Variants in EBF3 observed in about 807,000 individuals in gnomAD.
The protein encoded by EBF3 is EBF transcription factor 3, also known as transcription factor COE3.
Under a neutral mutation model 77.1 loss-of-function variants are expected in EBF3, and 18 were observed. The observed-to-expected ratio is 0.23, with a 90% CI of 0.16 to 0.35. The LOEUF (loss-of-function observed/expected upper bound fraction) is 0.35, where lower values mean the gene tolerates loss of function less well. Ranked by LOEUF, EBF3 falls within the 10% of genes least tolerant of loss-of-function variation. The probability of loss-of-function intolerance (pLI) is 1.00; values close to 1 mark genes in which losing one functional copy is unlikely to be tolerated. For missense variants in EBF3, 558 were observed against 860.0 expected, an observed-to-expected ratio of 0.65 and a Z score of 4.39; for synonymous variants, 350 against 343.5, an observed-to-expected ratio of 1.02 and a Z score of -0.21.
At chr10:129,838,282 C>A (rs1175998424) in intron 16 of EBF3, among the ~76,000 whole-genome samples, 1 of 152,274 alleles carries the variant, frequency 6.6e-6, no homozygotes, top group African/African-American at 2.4e-5. Flanking sequence ...CTGACCGGTG[C>A]ACTGCCAACA....
At chr10:129,915,137 G>C (rs1474566176) in intron 6 of EBF3, among the ~76,000 whole-genome samples, 1 of 152,182 alleles carries the variant, frequency 6.6e-6, no homozygotes, top group African/African-American at 2.4e-5. Flanking sequence ...GGCAGAGGGA[G>C]GGATGAGGGA....
chr10:129,950,170 C>G (rs1858565148), intron 6 of EBF3, among the ~76,000 whole-genome samples: 1 of 152,162 alleles, frequency 6.6e-6, no homozygotes, highest in Admixed American at 6.5e-5. Context: ...TTCGCGGGGC[C>G]TGGGCTCCAT....
At chr10:129,847,146 C>G (rs988519977) in intron 11 of EBF3, among the ~76,000 whole-genome samples, 1 of 152,048 alleles carries the variant, frequency 6.6e-6, no homozygotes, top group African/African-American at 2.4e-5. Context: ...GGGAAGGTGA[C>G]CAGGGAACCC....
intron 6 of EBF3, among the ~76,000 whole-genome samples, chr10:129,941,576 G>A (rs1185154016): frequency 6.6e-6 from 1 of 152,114 alleles, no homozygotes; most frequent in African/African-American, 2.4e-5. Context: ...AAGGGTCAGG[G>A]GGGAGCCCTC....
rs1420140220 is a variant in EBF3, at chr10:129,884,608, G to T, written c.555-6759C>A. On this transcript the variant is annotated intron_variant, in intron 6 of 16. Coordinates refer to ENST00000440978, the MANE Select transcript of EBF3 (RefSeq NM_001375380.1). ...TGCATGACGTCATAGCGAAGGGGCA[G>T]AGGGCGGCAAGCTTGAATTTTACAG... Among the ~76,000 whole-genome samples, 54 of 152,204 alleles carry T rather than the reference G, an allele frequency of 3.5e-4. 1 individual carries two copies. Among genetic ancestry groups the T allele is most frequent in the Non-Finnish European group, 2.6e-4 (18 of 68,034 alleles).
At chr10:129,858,298 G>A (rs1589720784) in intron 10 of EBF3, among the ~76,000 whole-genome samples, 1 of 152,182 alleles carries the variant, frequency 6.6e-6, no homozygotes, top group African/African-American at 2.4e-5. Context: ...CCTAGCCTAT[G>A]GCCTGTTTAC....
intron 6 of EBF3, among the ~76,000 whole-genome samples, chr10:129,892,889 T>C (rs1320141243): frequency 1.3e-5 from 2 of 152,204 alleles, no homozygotes; most frequent in African/African-American, 2.4e-5. Flanking sequence ...CCCCCAAATA[T>C]GTATTTTCCC....
chr10:129,868,546 G>A (rs531819403), intron 8 of EBF3, among the ~76,000 whole-genome samples: 3 of 152,328 alleles, frequency 2.0e-5, no homozygotes, highest in South Asian at 2.1e-4. Flanking sequence ...GGGAGCTCTC[G>A]CATTTGCATG....
intron 7 of EBF3, among the ~76,000 whole-genome samples, chr10:129,875,353 A>T (rs886800636): frequency 3.9e-5 from 6 of 151,924 alleles, no homozygotes; most frequent in African/African-American, 1.4e-4. Context: ...CTGCCACTGC[A>T]CCTGGCTAAT....
chr10:129,963,119 G>T lies in EBF3; in HGVS notation c.292-114C>A. On this transcript the variant is annotated intron_variant, in intron 2 of 16. Coordinates refer to ENST00000440978, the MANE Select transcript of EBF3 (RefSeq NM_001375380.1). The surrounding 1 kb of genome is among the most constrained non-coding windows in gnomAD (Gnocchi z 7.1). ...GGCCTCACACATGGCAGGATTCCTA[G>T]CTCGAAGCAGCGCGGTGATGTCACT... The T allele has an allele frequency of 7.3e-7, 1 of 1,365,120 alleles. No homozygotes were observed. The highest frequency in any genetic ancestry group is 1.0e-6 in the Non-Finnish European group (1 of 959,866). 84.6% of individuals were successfully genotyped at this position (1,365,120 alleles called of 1,614,324 possible). A position where few individuals can be genotyped will look rare whatever the true frequency, so the allele number is the denominator to read the frequency against.
intron 10 of EBF3, among the ~76,000 whole-genome samples, chr10:129,851,270 G>A (rs1356330318): frequency 1.3e-5 from 2 of 152,170 alleles, no homozygotes; most frequent in Admixed American, 6.5e-5. Flanking sequence ...CCTTGGGTGA[G>A]CTCAAGTCGG....
At chr10:129,959,054 T>C in intron 4 of EBF3, 47 bp from the exon 5 acceptor site, 3 of 1,594,826 alleles carry the variant, frequency 1.9e-6, no homozygotes, top group Non-Finnish European at 1.7e-6. Context: ...CGCCCGCGGC[T>C]TTGGCGCCAA....
Position 129,897,477 on chromosome 10 carries a change from C to T in EBF3, c.555-19628G>A, listed in dbSNP as rs2134226886. ...ACCCTCCCCTGCAGACTGGCTCCCCCTAAATCAAGGGGGGCCAGGCAGACC... is the reference window on the plus strand; with the variant it reads ...ACCCTCCCCTGCAGACTGGCTCCCCTTAAATCAAGGGGGGCCAGGCAGACC... On this transcript the variant is annotated intron_variant, in intron 6 of 16. Coordinates refer to ENST00000440978, the MANE Select transcript of EBF3 (RefSeq NM_001375380.1). This position sits in a 1 kb window ranked among gnomAD's most constrained non-coding sequence, Gnocchi z 4.6. Among the ~76,000 whole-genome samples the T allele has an allele frequency of 6.6e-6, 1 of 152,240 alleles. No homozygotes were observed. The highest frequency in any genetic ancestry group is 2.1e-4 in the South Asian group (1 of 4,822).
In EBF3 at chr10:129,835,339, T is replaced by C. The variant is rs575996508; in HGVS notation, c.*2604A>G. 6.5e-6 allele frequency: 1 copy of C among 152,744 alleles called. No homozygotes were observed. The highest frequency in any genetic ancestry group is 1.9e-4 in the East Asian group (1 of 5,192). 9.5% of individuals were successfully genotyped at this position (152,744 alleles called of 1,614,324 possible). ...ATATTGTGTAAAATGAACATTTTTATACAGTTAAATATCTGAAAAAATGTA... is the reference window on the plus strand; with the variant it reads ...ATATTGTGTAAAATGAACATTTTTACACAGTTAAATATCTGAAAAAATGTA... On this transcript the variant is annotated 3_prime_UTR_variant, in exon 17 of 17. Coordinates refer to ENST00000440978, the MANE Select transcript of EBF3 (RefSeq NM_001375380.1).
intron 10 of EBF3, among the ~76,000 whole-genome samples, chr10:129,856,297 CAT>C (rs1446967109): frequency 2.6e-5 from 4 of 152,120 alleles, no homozygotes; most frequent in Non-Finnish European, 5.9e-5. Flanking sequence ...TGTATTCACA[CAT>C]GTTCCTGGCA....
At chr10:129,940,679 C>T (rs1857666426) in intron 6 of EBF3, among the ~76,000 whole-genome samples, 1 of 152,246 alleles carries the variant, frequency 6.6e-6, no homozygotes, top group South Asian at 2.1e-4. Context: ...CTGCCCTCCT[C>T]CTCACACCTG....
intron 6 of EBF3, among the ~76,000 whole-genome samples, chr10:129,931,294 G>A (rs1857011564): frequency 6.6e-6 from 1 of 152,200 alleles, no homozygotes; most frequent in Non-Finnish European, 1.5e-5. Flanking sequence ...TTTGGTGTAA[G>A]TGCATTGTAG....
chr10:129,848,628 G>A lies in EBF3; in HGVS notation c.1040-148C>T. ...CCCTGAATACTAGCTGTGTCTTAAGGAATAGATTTTCCCCCTTTCTTTTGC... is the reference window on the plus strand; with the variant it reads ...CCCTGAATACTAGCTGTGTCTTAAGAAATAGATTTTCCCCCTTTCTTTTGC... On this transcript the variant is annotated intron_variant, in intron 10 of 16. Coordinates refer to ENST00000440978, the MANE Select transcript of EBF3 (RefSeq NM_001375380.1). The surrounding 1 kb of genome is among the most constrained non-coding windows in gnomAD (Gnocchi z 4.4). The A allele has an allele frequency of 1.3e-6, 1 of 785,264 alleles. No individual in the cohort carries two copies. The allele number at this position is 785,264 out of a possible 1,614,324, so 48.6% of individuals were successfully genotyped here.
intron 8 of EBF3, among the ~76,000 whole-genome samples, chr10:129,869,114 C>T (rs963837670): frequency 1.3e-5 from 2 of 152,182 alleles, no homozygotes; most frequent in Non-Finnish European, 2.9e-5. Flanking sequence ...CCCTAAATGG[C>T]GGGAGGCCCA....
Sources: allele counts gnomAD v4.1 joint callset (sites outside exome capture counted in the v4.1 genomes callset), GRCh38; gene constraint gnomAD v4.1.1; non-coding constraint Gnocchi (gnomAD v3.1); transcripts MANE v1.5; gene names NCBI Gene and HGNC (gene_info 2026-07-23, HGNC 2026-07-21).